Variants in MYT1L observed in about 807,000 individuals in gnomAD.
MYT1L encodes the protein myelin transcription factor 1 like.
MYT1L carries 12 observed loss-of-function variants against 126.7 expected under a neutral mutation model. That is an observed-to-expected ratio of 0.09 (90% CI 0.06 to 0.15). The LOEUF (loss-of-function observed/expected upper bound fraction) is 0.15. Ranked by LOEUF, MYT1L falls within the 10% of genes least tolerant of loss-of-function variation. The pLI, the probability that MYT1L is intolerant of heterozygous loss-of-function variation, is 1.00. For synonymous variants in MYT1L, 541 were observed against 604.2 expected, an observed-to-expected ratio of 0.90 and a Z score of 1.53; for missense variants, 979 against 1,585.2, an observed-to-expected ratio of 0.62 and a Z score of 6.49.
At chr2:2,206,567 A>G (rs1426743313) in intron 2 of MYT1L, among the ~76,000 whole-genome samples, 2 of 152,192 alleles carry the variant, frequency 1.3e-5, no homozygotes, top group African/African-American at 4.8e-5. Context: ...ACCTCATGCA[A>G]TCTCTGGAAT....
intron 5 of MYT1L, among the ~76,000 whole-genome samples, chr2:1,984,339 G>T (rs2060840479): frequency 6.6e-6 from 1 of 151,840 alleles, no homozygotes; most frequent in Admixed American, 6.6e-5. Flanking sequence ...TGGACTACAG[G>T]TGTGTGCCAC....
At chr2:1,908,555 A>G (rs895073427) in intron 13 of MYT1L, among the ~76,000 whole-genome samples, 4 of 152,240 alleles carry the variant, frequency 2.6e-5, no homozygotes, top group African/African-American at 7.2e-5. Context: ...AGTAGGCTGA[A>G]GAAAATTCAT....
At chr2:2,118,702 A>AT (rs542857313) in intron 3 of MYT1L, among the ~76,000 whole-genome samples, 1 of 152,072 alleles carries the variant, frequency 6.6e-6, no homozygotes, top group African/African-American at 2.4e-5. Context: ...TTTTGCTTGG[A>AT]TTTTTTTTCA....
chr2:2,215,514 T>C (rs1296069653), intron 2 of MYT1L, among the ~76,000 whole-genome samples: 1 of 152,180 alleles, frequency 6.6e-6, no homozygotes, highest in Non-Finnish European at 1.5e-5. Flanking sequence ...ATGTAATAAC[T>C]GAGTTTAAAG....
intron 3 of MYT1L, among the ~76,000 whole-genome samples, chr2:2,084,826 A>G (rs1367497387): frequency 2.0e-5 from 3 of 152,262 alleles, no homozygotes; most frequent in Admixed American, 6.5e-5. Context: ...TAATTGGGAA[A>G]GGAATGAATT....
rs201017874 is a variant in MYT1L, at chr2:2,094,920, T to TA, written c.-303-40798dup. Among the ~76,000 whole-genome samples, 200 of 151,974 alleles carry TA rather than the reference T, an allele frequency of 1.3e-3. 3 individuals carry two copies. In the East Asian group the frequency reaches 0.033, roughly 25 times the overall value. On this transcript the variant is annotated intron_variant, in intron 3 of 24. Transcript: ENST00000647738. ...CATGTACCCTAGAACTTAAAGTATA[T>TA]AAAAAAAAGATTATCAGAAACTAGA...
At chr2:2,277,179 G>A (rs779865000) in intron 2 of MYT1L, among the ~76,000 whole-genome samples, 3 of 151,874 alleles carry the variant, frequency 2.0e-5, no homozygotes, top group Non-Finnish European at 2.9e-5. Context: ...GTAGAGATGG[G>A]GTTTATGTTC....
intron 2 of MYT1L, among the ~76,000 whole-genome samples, chr2:2,173,748 T>C (rs1331791322): frequency 6.6e-6 from 1 of 152,202 alleles, no homozygotes; most frequent in Non-Finnish European, 1.5e-5. Context: ...TCCAAGAGGC[T>C]TATTAAAGTG....
intron 2 of MYT1L, among the ~76,000 whole-genome samples, chr2:2,208,604 C>T (rs1306387696): frequency 6.6e-6 from 1 of 152,076 alleles, no homozygotes; most frequent in Non-Finnish European, 1.5e-5. Context: ...CAATTAAAAA[C>T]TTTAAAAAAC....
intron 18 of MYT1L, among the ~76,000 whole-genome samples, chr2:1,866,320 C>T (rs1003722481): frequency 1.3e-5 from 2 of 152,104 alleles, no homozygotes; most frequent in East Asian, 1.9e-4. Flanking sequence ...CCTCTGGCCC[C>T]GTCGCCTGCT....
chr2:1,915,030 C>T (rs1208047849), intron 11 of MYT1L, among the ~76,000 whole-genome samples: 13 of 152,030 alleles, frequency 8.6e-5, no homozygotes, highest in African/African-American at 2.9e-4. Flanking sequence ...GCCCCGGCCT[C>T]GTGCAGAGCC....
At chr2:1,884,925 C>G (rs571711739) in intron 18 of MYT1L, among the ~76,000 whole-genome samples, 1 of 152,132 alleles carries the variant, frequency 6.6e-6, no homozygotes, top group Non-Finnish European at 1.5e-5. Flanking sequence ...AAGAAAGTGC[C>G]GATGCTGGAG....
At chr2:1,892,436 AAAC>A in intron 14 of MYT1L, 149 bp from the exon 15 acceptor site, 1 of 1,045,450 alleles carries the variant, frequency 9.6e-7, no homozygotes, top group South Asian at 1.8e-5. Context: ...TAAAGAAAAC[AAAC>A]AACAGGCAAA....
At chr2:1,860,924 G>C (rs915458002) in intron 18 of MYT1L, among the ~76,000 whole-genome samples, 2 of 152,016 alleles carry the variant, frequency 1.3e-5, no homozygotes, top group Non-Finnish European at 2.9e-5. Context: ...GTGAGACTAA[G>C]ACGGAGGATC....
chr2:1,942,998 TTCC>T lies in MYT1L; in HGVS notation c.486_488del (p.Glu167del), dbSNP rs148009982. On this transcript the variant is annotated inframe_deletion, in exon 9 of 25. Transcript: ENST00000647738. ...AAAGATTACCGTTTTCTTCTTCCTC[TTCC>T]TCCTCCTCCTCCTCCTCCTCTTCCT... The T allele has an allele frequency of 0.016, 23,594 of 1,512,734 alleles. 209 individuals carry two copies. The highest frequency in any genetic ancestry group is 0.016 in the Non-Finnish European group (17,825 of 1,121,680). The allele number at this position is 1,512,734 out of a possible 1,614,324, so 93.7% of individuals were successfully genotyped here.
At chr2:2,047,632 T>C (rs531063405) in intron 4 of MYT1L, among the ~76,000 whole-genome samples, 41 of 152,334 alleles carry the variant, frequency 2.7e-4, no homozygotes, top group African/African-American at 9.6e-4. Context: ...CACCGATTTT[T>C]CATGATAAAA....
Position 1,791,309 on chromosome 2 carries a change from T to G in MYT1L, c.*558A>C. 1 of 454,098 alleles carries G rather than the reference T, an allele frequency of 2.2e-6. No individual in the cohort carries two copies. The highest frequency in any genetic ancestry group is 1.7e-5 in the South Asian group (1 of 60,382). 28.1% of individuals were successfully genotyped at this position (454,098 alleles called of 1,614,324 possible). ...GTCACATAATATTTCCAAGCATTGT[T>G]CAAAAATAAAGCATTTTTGCAACGA... On this transcript the variant is annotated 3_prime_UTR_variant, in exon 25 of 25. Coordinates refer to ENST00000647738, the MANE Select transcript of MYT1L (RefSeq NM_001303052.2). The surrounding 1 kb of genome is among the most constrained non-coding windows in gnomAD (Gnocchi z 6.0).
At chr2:2,168,585 C>A (rs1388220630) in intron 3 of MYT1L, among the ~76,000 whole-genome samples, 1 of 152,184 alleles carries the variant, frequency 6.6e-6, no homozygotes. Context: ...ATAGACATAG[C>A]AAACAATGTG....
chr2:1,814,217 C>T (rs910855142), intron 21 of MYT1L, among the ~76,000 whole-genome samples: 1 of 152,038 alleles, frequency 6.6e-6, no homozygotes, highest in African/African-American at 2.4e-5. Context: ...CCTGGCACTC[C>T]CACTTGAGTT....
Sources: gnomAD v4.1 joint callset for allele counts (sites outside exome capture counted in the v4.1 genomes callset) on GRCh38, gnomAD v4.1.1 for gene constraint, Gnocchi (gnomAD v3.1) non-coding constraint, MANE v1.5 for transcripts, NCBI Gene and HGNC (gene_info 2026-07-23, HGNC 2026-07-21) for gene names.